CECR2: variants seen among roughly 807,000 people sequenced by gnomAD.
CECR2 encodes the protein chromatin remodeling regulator CECR2.
A neutral mutation model predicts 154.5 loss-of-function variants in CECR2; 30 were observed. The observed-to-expected ratio is 0.19, with a 90% CI of 0.15 to 0.26. The LOEUF (loss-of-function observed/expected upper bound fraction) is 0.26. CECR2 is among the 10% of genes least tolerant of loss of function. CECR2 has a pLI of 1.00. For missense variants in CECR2, 1,743 were observed against 1,829.3 expected (o/e 0.95, Z 0.86); for synonymous variants, 725 against 683.7 (o/e 1.06, Z -0.94).
intron 1 of CECR2, chr22:17,419,268 G>C (rs1191748385): frequency 6.4e-6 from 1 of 155,620 alleles, no homozygotes; most frequent in Non-Finnish European, 1.4e-5. Flanking sequence ...ACCTGGCTGC[G>C]GATAATGGGA....
In CECR2 at chr22:17,543,669, C is replaced by G. The variant is rs1480573534; in HGVS notation, c.2860+666C>G. Among the ~76,000 whole-genome samples the G allele has an allele frequency of 3.3e-5, 5 of 151,370 alleles. No individual in the cohort carries two copies. The East Asian group carries it at 9.8e-4, about 30-fold the overall frequency. ...CTGCCTCCCAGGTTCAAGCAATTCTCCTGCCTCAGCCTCCTGAGTAGCTGG... is the reference window on the plus strand; with the variant it reads ...CTGCCTCCCAGGTTCAAGCAATTCTGCTGCCTCAGCCTCCTGAGTAGCTGG... On this transcript the variant is annotated intron_variant, in intron 16 of 18. Coordinates refer to ENST00000262608, the MANE Select transcript of CECR2 (RefSeq NM_001290047.2).
At chr22:17,457,234 T>C (rs2054868416) in intron 1 of CECR2, among the ~76,000 whole-genome samples, 1 of 152,038 alleles carries the variant, frequency 6.6e-6, no homozygotes, top group Non-Finnish European at 1.5e-5. Flanking sequence ...TCCACGTTGG[T>C]CAGGCTGGTC....
chr22:17,411,987 A>G (rs1442477814), intron 1 of CECR2, among the ~76,000 whole-genome samples: 2 of 152,184 alleles, frequency 1.3e-5, no homozygotes, highest in Non-Finnish European at 2.9e-5. Context: ...CCAATCTTAA[A>G]TGGACTAACA....
chr22:17,486,932 C>T (rs2518769), intron 2 of CECR2, among the ~76,000 whole-genome samples: 34,593 of 151,880 alleles, frequency 0.23, 4,359 homozygotes, highest in African/African-American at 0.34. Context: ...GGGCTGGGGC[C>T]TGGGAACCTG....
At chr22:17,541,333 T>C (rs1002579375) in intron 14 of CECR2, among the ~76,000 whole-genome samples, 4 of 152,126 alleles carry the variant, frequency 2.6e-5, no homozygotes, top group Admixed American at 2.0e-4. Flanking sequence ...GCTACTCAGC[T>C]ACTCAGGAGG....
chr22:17,404,364 C>CTGTTTTTTTTTTTT (rs2053945950), intron 1 of CECR2, among the ~76,000 whole-genome samples: 1 of 59,608 alleles, frequency 1.7e-5, no homozygotes, highest in Non-Finnish European at 3.2e-5. Context: ...GGACCCTGTT[C>CTGTTTTTTTTTTTT]TTTCTTTTTT....
chr22:17,505,161 T>C (rs1436533048), intron 7 of CECR2, 145 bp downstream of exon 7: 1 of 767,258 alleles, frequency 1.3e-6, no homozygotes, highest in African/African-American at 1.8e-5. Context: ...AGTGTTAGAA[T>C]GGGACCTCAT....
At chr22:17,465,949 C>T (rs960093802) in intron 1 of CECR2, among the ~76,000 whole-genome samples, 2 of 152,134 alleles carry the variant, frequency 1.3e-5, no homozygotes, top group African/African-American at 2.4e-5. Context: ...GAATACAACA[C>T]GTGTTATTGA....
At chr22:17,481,204 G>A (rs1278313198) in intron 2 of CECR2, among the ~76,000 whole-genome samples, 9 of 150,942 alleles carry the variant, frequency 6.0e-5, no homozygotes, top group East Asian at 3.9e-4. Context: ...TTAGCCGGGC[G>A]TGGTGGTGGG....
chr22:17,450,549 G>T (rs1256124551), intron 1 of CECR2, among the ~76,000 whole-genome samples: 1 of 152,192 alleles, frequency 6.6e-6, no homozygotes, highest in Non-Finnish European at 1.5e-5. Flanking sequence ...GATTACAGGC[G>T]TGAGCCCACC....
At chr22:17,465,949 C>A (rs960093802) in intron 1 of CECR2, among the ~76,000 whole-genome samples, 3 of 152,134 alleles carry the variant, frequency 2.0e-5, no homozygotes, top group Non-Finnish European at 4.4e-5. Context: ...GAATACAACA[C>A]GTGTTATTGA....
chr22:17,499,651 G>A, intron 4 of CECR2, 102 bp downstream of exon 4: 2 of 1,229,974 alleles, frequency 1.6e-6, no homozygotes, highest in Non-Finnish European at 2.2e-6. Context: ...CCTAATGAAG[G>A]AATTCTCTAA....
intron 8 of CECR2, among the ~76,000 whole-genome samples, chr22:17,521,743 C>G (rs1036895007): frequency 6.6e-6 from 1 of 152,158 alleles, no homozygotes; most frequent in African/African-American, 2.4e-5. Flanking sequence ...TGTGCAGAAG[C>G]TCTTTAGTTT....
chr22:17,442,105 C>T (rs1430983793), intron 1 of CECR2, among the ~76,000 whole-genome samples: 3 of 151,910 alleles, frequency 2.0e-5, no homozygotes, highest in African/African-American at 7.3e-5. Context: ...AACAGCTTTA[C>T]CTATTTTGAA....
chr22:17,378,012 C>T (rs1246654774), intron 1 of CECR2, among the ~76,000 whole-genome samples: 1 of 152,150 alleles, frequency 6.6e-6, no homozygotes, highest in Non-Finnish European at 1.5e-5. Context: ...GAGACGGAGG[C>T]TTGCTCTGTT....
chr22:17,464,514 AG>A (rs764518970), intron 1 of CECR2, among the ~76,000 whole-genome samples: 2 of 152,088 alleles, frequency 1.3e-5, no homozygotes, highest in African/African-American at 2.4e-5. Context: ...TTTTGAGGCA[AG>A]GTCTCTCTCT....
intron 2 of CECR2, among the ~76,000 whole-genome samples, chr22:17,496,874 T>C (rs1027266482): frequency 2.0e-5 from 3 of 152,212 alleles, no homozygotes; most frequent in South Asian, 2.1e-4. Flanking sequence ...CAACCTATTC[T>C]GTGAAAAACC....
chr22:17,499,618 A>G, intron 4 of CECR2, 69 bp downstream of exon 4: 2 of 1,449,564 alleles, frequency 1.4e-6, no homozygotes, highest in Non-Finnish European at 1.8e-6. Flanking sequence ...ATGCATCAGA[A>G]TTCTACAGCA....
At chr22:17,467,639 G>A (rs1026060590) in intron 1 of CECR2, among the ~76,000 whole-genome samples, 6 of 152,030 alleles carry the variant, frequency 3.9e-5, no homozygotes, top group Non-Finnish European at 7.4e-5. Context: ...AAAATTAGTC[G>A]GGCATGGTGG....
Sources: allele counts gnomAD v4.1 joint callset (sites outside exome capture counted in the v4.1 genomes callset), GRCh38; gene constraint gnomAD v4.1.1; transcripts MANE v1.5; gene names NCBI Gene and HGNC (gene_info 2026-07-23, HGNC 2026-07-21).